Variants in AMMECR1 observed in about 807,000 individuals in gnomAD.
The protein encoded by AMMECR1 is nuclear protein AMMECR1.
Under a neutral mutation model 22.5 loss-of-function variants are expected in AMMECR1, and 3 were observed. The observed-to-expected ratio is 0.13, with a 90% CI of 0.06 to 0.35. AMMECR1 has a LOEUF of 0.35. Ranked by LOEUF, AMMECR1 falls within the 10% of genes least tolerant of loss-of-function variation. The pLI, the probability that AMMECR1 is intolerant of heterozygous loss-of-function variation, is 1.00. For missense variants in AMMECR1, 235 were observed against 278.7 expected, an observed-to-expected ratio of 0.84 and a Z score of 1.12; for synonymous variants, 130 against 116.7, an observed-to-expected ratio of 1.11 and a Z score of -0.74.
At chrX:110,343,761 A>G (rs1179977903) in intron 2 of AMMECR1, among the ~76,000 whole-genome samples, 1 of 110,945 alleles carries the variant, frequency 9.0e-6, no homozygotes, top group Non-Finnish European at 1.9e-5. Flanking sequence ...AAAGAGAATA[A>G]AATACCTAGG....
intron 4 of AMMECR1, among the ~76,000 whole-genome samples, chrX:110,201,811 C>T (rs1433803779): frequency 1.8e-5 from 2 of 111,698 alleles, no homozygotes; most frequent in African/African-American, 6.5e-5. Context: ...TCATTTCGAC[C>T]AACATGAAAC....
intron 2 of AMMECR1, among the ~76,000 whole-genome samples, chrX:110,238,397 C>T (rs948711497): frequency 3.6e-5 from 4 of 111,762 alleles, no homozygotes; most frequent in African/African-American, 9.8e-5. Context: ...GCCGAGTAGG[C>T]GGTTTTCCCC....
intron 2 of AMMECR1, among the ~76,000 whole-genome samples, chrX:110,375,563 T>C (rs2068370711): frequency 9.2e-6 from 1 of 108,696 alleles, no homozygotes; most frequent in South Asian, 3.8e-4. Context: ...AATGAATGAA[T>C]CAATCAATCA....
In AMMECR1 at chrX:110,388,160, C is replaced by T. The variant is rs189687727; in HGVS notation, c.-148+38498G>A. ...GGGATTACAGGCGTGAGCCACCGCCCAGCCTGATCATTATCTCTCTTAAAT... is the reference window on the plus strand; with the variant it reads ...GGGATTACAGGCGTGAGCCACCGCCTAGCCTGATCATTATCTCTCTTAAAT... On this transcript the variant is annotated intron_variant, in intron 2 of 7. Transcript: ENST00000372057. 4.2e-3 allele frequency among the ~76,000 whole-genome samples: 466 copies of T among 111,864 alleles called. 2 individuals are homozygous for T. The highest frequency in any genetic ancestry group is 0.014 in the African/African-American group (440 of 30,704).
chrX:110,348,283 TCAACA>T (rs2068198387), intron 2 of AMMECR1, among the ~76,000 whole-genome samples: 3 of 112,116 alleles, frequency 2.7e-5, no homozygotes, highest in African/African-American at 9.7e-5. Flanking sequence ...ATTTATTCTT[TCAACA>T]CTAGAACCCA....
At chrX:110,225,444 G>A (rs919551659) in intron 2 of AMMECR1, among the ~76,000 whole-genome samples, 2 of 111,791 alleles carry the variant, frequency 1.8e-5, no homozygotes, top group African/African-American at 3.3e-5. Context: ...TTCTGCGTGG[G>A]TTAGTTTATC....
At chrX:110,313,269 A>G (rs919876881) in intron 1 of AMMECR1, among the ~76,000 whole-genome samples, 6 of 112,393 alleles carry the variant, frequency 5.3e-5, no homozygotes, top group African/African-American at 1.6e-4. Context: ...AATACATTTT[A>G]TTAATTGCAA....
intron 1 of AMMECR1, among the ~76,000 whole-genome samples, chrX:110,427,324 G>C (rs1034812763): frequency 3.6e-5 from 4 of 111,902 alleles, no homozygotes; most frequent in South Asian, 3.8e-4. Flanking sequence ...CAACACCTGA[G>C]ACTTGAGGCT....
intron 2 of AMMECR1, among the ~76,000 whole-genome samples, chrX:110,257,576 A>G (rs1307813632): frequency 1.8e-5 from 2 of 112,004 alleles, no homozygotes; most frequent in African/African-American, 6.5e-5. Flanking sequence ...ATTTACACGC[A>G]TCCCTATAAT....
rs750678568 is a variant in AMMECR1 at position 110,347,369 on chromosome X, C to A, written c.-147-29520G>T. ...GTATAATTTTGTTTTGAGATATTTT[C>A]AAAAAAACTCATGGTGAACCTCAGG... On this transcript the variant is annotated intron_variant, in intron 2 of 7. Coordinates refer to the AMMECR1 transcript ENST00000372057. Among the ~76,000 whole-genome samples, 3 of 112,397 alleles carry A rather than the reference C, an allele frequency of 2.7e-5. No homozygotes were observed. In the East Asian group the frequency reaches 8.3e-4, roughly 31 times the overall value.
Position 110,410,146 on chromosome X carries a change from G to A in AMMECR1, c.-148+16512C>T, listed in dbSNP as rs144345852. On this transcript the variant is annotated intron_variant, in intron 2 of 7. Transcript: ENST00000372057. ...GAGTCACCGACAGGGATGATGACTC[G>A]CCTCGGGTCACAGAGCAAGTCATGG... 2.4e-3 allele frequency among the ~76,000 whole-genome samples: 272 copies of A among 111,415 alleles called. 2 individuals carry two copies. The highest frequency in any genetic ancestry group is 0.014 in the Middle Eastern group (3 of 215).
chrX:110,262,867 A>C (rs148455165), intron 2 of AMMECR1, among the ~76,000 whole-genome samples: 1,368 of 111,784 alleles, frequency 0.012, 23 homozygotes, highest in African/African-American at 0.041. Flanking sequence ...GTGGGAGGAT[A>C]AAAGGGTCCT....
intron 5 of AMMECR1, among the ~76,000 whole-genome samples, chrX:110,198,965 C>T (rs1381602792): frequency 9.0e-6 from 1 of 111,336 alleles, no homozygotes; most frequent in Non-Finnish European, 1.9e-5. Flanking sequence ...AGAAATCTTC[C>T]ACCTCTCCCT....
chrX:110,332,582 G>A (rs2148234884), intron 2 of AMMECR1, among the ~76,000 whole-genome samples: 1 of 112,036 alleles, frequency 8.9e-6, no homozygotes, highest in South Asian at 3.8e-4. Flanking sequence ...ATTTGTCCTT[G>A]TTGTTGTAGA....
chrX:110,275,637 C>T (rs887128580), intron 1 of AMMECR1, among the ~76,000 whole-genome samples: 5 of 110,530 alleles, frequency 4.5e-5, no homozygotes, highest in Non-Finnish European at 7.6e-5. Flanking sequence ...TCGAGACCAG[C>T]CTGACCAACA....
chrX:110,405,096 C>A (rs116827927), intron 2 of AMMECR1, among the ~76,000 whole-genome samples: 1,338 of 99,607 alleles, frequency 0.013, 25 homozygotes, highest in African/African-American at 0.019. Context: ...TGTCCCCCCC[C>A]CCCCCAAGCA....
At chrX:110,352,705 G>GT (rs1346390691) in intron 2 of AMMECR1, among the ~76,000 whole-genome samples, 1 of 111,901 alleles carries the variant, frequency 8.9e-6, no homozygotes, top group Non-Finnish European at 1.9e-5. Context: ...AGAGTATATG[G>GT]TATGTGAATT....
intron 2 of AMMECR1, among the ~76,000 whole-genome samples, chrX:110,238,176 G>A (rs2148185105): frequency 8.9e-6 from 1 of 111,771 alleles, no homozygotes. Context: ...AAGCAAATCG[G>A]TGTCACTAAA....
Position 110,373,148 on chromosome X carries a change from C to A in AMMECR1, c.-148+53510G>T, listed in dbSNP as rs182190051. Among the ~76,000 whole-genome samples the A allele has an allele frequency of 2.8e-3, 311 of 111,621 alleles. 2 individuals carry two copies. Among genetic ancestry groups the A allele is most frequent in the Non-Finnish European group, 2.0e-3 (107 of 53,073 alleles). ...GGGAGTAAAACGTTTAAGTAACTTG[C>A]GCAGCTAGGAGGTGGCAGCTCTAAA... On this transcript the variant is annotated intron_variant, in intron 2 of 7. Coordinates refer to the AMMECR1 transcript ENST00000372057.
Sources: gnomAD v4.1 joint callset for allele counts (sites outside exome capture counted in the v4.1 genomes callset) on GRCh38, gnomAD v4.1.1 for gene constraint, MANE v1.5 for transcripts, NCBI Gene and HGNC (gene_info 2026-07-23, HGNC 2026-07-21) for gene names.